Variants in NOL4L observed in about 807,000 individuals in gnomAD.
NOL4L encodes nucleolar protein 4-like.
In NOL4L, 7 loss-of-function variants were observed where a neutral mutation model predicts 64.5. The observed-to-expected ratio is 0.11, with a 90% CI of 0.06 to 0.20. The LOEUF (loss-of-function observed/expected upper bound fraction) is 0.20, where lower values mean the gene tolerates loss of function less well. Ranked by LOEUF, NOL4L falls within the 10% of genes least tolerant of loss-of-function variation. The pLI is 1.00. For synonymous variants in NOL4L, 413 were observed against 401.0 expected (o/e 1.03, Z -0.36); for missense variants, 680 against 967.1 (o/e 0.70, Z 3.94).
At chr20:32,498,133 AT>A in intron 4 of NOL4L, among the ~76,000 whole-genome samples, 1 of 152,336 alleles carries the variant, frequency 6.6e-6, no homozygotes, top group South Asian at 2.1e-4. Flanking sequence ...GGTTCGGGGT[AT>A]CTGCCAACCC....
rs1168127503 is a variant in NOL4L, at chr20:32,536,420, A to C, written c.322-8507T>G. On this transcript the variant is annotated intron_variant, in intron 1 of 10. Coordinates refer to ENST00000621426, the MANE Select transcript of NOL4L (RefSeq NM_001256798.2). Reference sequence around the variant, plus strand: ...GGGAGGGGAGTGGGCCGCGCTAATGACTGTTGACAGCGCGCGCTGGGGCCG... The same window carrying C: ...GGGAGGGGAGTGGGCCGCGCTAATGCCTGTTGACAGCGCGCGCTGGGGCCG... 2.2e-5 allele frequency: 13 copies of C among 585,864 alleles called. 1 individual carries two copies. In the South Asian group the frequency reaches 9.0e-4, roughly 41 times the overall value. 36.3% of individuals were successfully genotyped at this position (585,864 alleles called of 1,614,324 possible).
intron 4 of NOL4L, among the ~76,000 whole-genome samples, chr20:32,490,268 T>C (rs1000056030): frequency 1.3e-5 from 2 of 151,886 alleles, no homozygotes; most frequent in Non-Finnish European, 2.9e-5. Context: ...ACAAAAATAA[T>C]TGAAACAGTG....
At position 32,504,350 on chromosome 20, in the gene NOL4L, G is replaced by C. The variant is rs191040422; in HGVS notation, c.699+6997C>G. Among the ~76,000 whole-genome samples the C allele has an allele frequency of 2.0e-5, 3 of 152,170 alleles. No individual in the cohort carries two copies. In the East Asian group the frequency reaches 5.8e-4, roughly 30 times the overall value. ...CTGAGGTGGGTAGATCACGAGGTCA[G>C]TAGATCGAGACCATCCTGGCTAACA... On this transcript the variant is annotated intron_variant, in intron 4 of 10. Transcript: ENST00000621426.
Position 32,463,548 on chromosome 20 carries a change from C to A in NOL4L, c.842-7153G>T, listed in dbSNP as rs1186121588. On this transcript the variant is annotated intron_variant, in intron 5 of 10. Coordinates refer to ENST00000621426, the MANE Select transcript of NOL4L (RefSeq NM_001256798.2). This position sits in a 1 kb window ranked among gnomAD's most constrained non-coding sequence, Gnocchi z 5.8. The stretch of plus-strand genomic sequence containing the variant: ...TCTGGGCAGGACCCGGAGCCCACCA[C>A]CTGTGCCCAGAATGCCTACGGGCAG... Among the ~76,000 whole-genome samples, 1 of 152,222 alleles carries A rather than the reference C, an allele frequency of 6.6e-6. No individual in the cohort carries two copies. The highest frequency in any genetic ancestry group is 1.5e-5 in the Non-Finnish European group (1 of 68,042).
intron 1 of NOL4L, among the ~76,000 whole-genome samples, chr20:32,574,875 C>T (rs1040213296): frequency 2.6e-5 from 4 of 152,056 alleles, no homozygotes; most frequent in Non-Finnish European, 4.4e-5. Flanking sequence ...CCTGCCCCTG[C>T]GCCTTCACCC....
intron 4 of NOL4L, among the ~76,000 whole-genome samples, chr20:32,494,280 A>AAC (rs2016594022): frequency 1.4e-5 from 1 of 70,692 alleles, no homozygotes; most frequent in Non-Finnish European, 2.7e-5. Context: ...AAAAAAAAAA[A>AAC]AACACACAAC....
intron 4 of NOL4L, among the ~76,000 whole-genome samples, chr20:32,485,078 AAAAAAAAAAC>A (rs2016014938): frequency 1.4e-5 from 2 of 147,716 alleles, no homozygotes; most frequent in Non-Finnish European, 3.0e-5. Flanking sequence ...AAAAAAAAAA[AAAAAAAAAAC>A]AACTAAAAAA....
intron 1 of NOL4L, among the ~76,000 whole-genome samples, chr20:32,559,294 TCCTTCTATCCCCACACCCCTG>T (rs1363854516): frequency 6.6e-6 from 1 of 152,136 alleles, no homozygotes; most frequent in African/African-American, 2.4e-5. Flanking sequence ...CCTTTCCTTT[TCCTTCTATCCCCACACCCCTG>T]CCTCAGGTCT....
Position 32,584,976 on chromosome 20 carries a change from G to T in NOL4L, c.-86C>A. ...ACTGGGCTGGGCTGGGCTGGACCGG[G>T]CCGGGACGCGCCGCGGCCGCGTCTG... On this transcript the variant is annotated 5_prime_UTR_variant, in exon 1 of 11. Coordinates refer to ENST00000621426, the MANE Select transcript of NOL4L (RefSeq NM_001256798.2). 1.4e-6 allele frequency: 1 copy of T among 731,958 alleles called. No homozygotes were observed. Among genetic ancestry groups the T allele is most frequent in the Non-Finnish European group, 1.7e-6 (1 of 598,378 alleles). 45.3% of individuals were successfully genotyped at this position (731,958 alleles called of 1,614,324 possible). A position where few individuals can be genotyped will look rare whatever the true frequency, so the allele number is the denominator to read the frequency against.
Position 32,476,386 on chromosome 20 carries a change from C to T in NOL4L, c.700-1644G>A, listed in dbSNP as rs557070001. ...CTTGAGCAAGGCTGCAAGGTGCAGC[C>T]GGCTCCCCATCTTCCCAGCTGGTCG... On this transcript the variant is annotated intron_variant, in intron 4 of 10. Coordinates refer to ENST00000621426, the MANE Select transcript of NOL4L (RefSeq NM_001256798.2). 1.3e-4 allele frequency among the ~76,000 whole-genome samples: 20 copies of T among 152,300 alleles called. 1 individual carries two copies. The South Asian group carries it at 3.3e-3, about 25-fold the overall frequency.
intron 1 of NOL4L, among the ~76,000 whole-genome samples, chr20:32,583,653 C>A (rs957572511): frequency 2.0e-5 from 3 of 149,808 alleles, no homozygotes; most frequent in Admixed American, 6.6e-5. Context: ...GCCGCCCCCC[C>A]CCCAGCCCCC....
At chr20:32,490,239 T>C (rs949755860) in intron 4 of NOL4L, among the ~76,000 whole-genome samples, 1 of 151,870 alleles carries the variant, frequency 6.6e-6, no homozygotes, top group Non-Finnish European at 1.5e-5. Flanking sequence ...CCCCATAAAC[T>C]GTCCCTGCTC....
intron 1 of NOL4L, among the ~76,000 whole-genome samples, chr20:32,540,093 C>T (rs1002308506): frequency 1.1e-4 from 16 of 152,270 alleles, no homozygotes; most frequent in African/African-American, 3.6e-4. Context: ...TTCCATTTGC[C>T]GGTCTGTCTG....
chr20:32,488,825 CTTTT>C (rs55880789), intron 4 of NOL4L, among the ~76,000 whole-genome samples: 615 of 37,872 alleles, frequency 0.016, 32 homozygotes, highest in Middle Eastern at 0.081. Flanking sequence ...TTCTTTCTTT[CTTTT>C]TCTTTCTTTC....
At position 32,485,058 on chromosome 20, in the gene NOL4L, C is replaced by CAAAAAAAAA. The variant is rs57444583; in HGVS notation, c.700-10325_700-10317dup. Reference sequence around the variant, plus strand: ...TCGTGGAATTCTGTGGGGAAATTGCCAAAAAAAAAAAAAAAAAAAAAAAAA... The same window carrying CAAAAAAAAA: ...TCGTGGAATTCTGTGGGGAAATTGCCAAAAAAAAAAAAAAAAAAAAAAAAAAAAAAAAAA... On this transcript the variant is annotated intron_variant, in intron 4 of 10. Transcript: ENST00000621426. Among the ~76,000 whole-genome samples the CAAAAAAAAA allele has an allele frequency of 2.7e-3, 48 of 17,800 alleles. 3 individuals carry two copies. Among genetic ancestry groups the CAAAAAAAAA allele is most frequent in the East Asian group, 0.014 (5 of 370 alleles). The allele number at this position is 17,800 out of a possible 152,430, so 11.7% of individuals were successfully genotyped here. A position where few individuals can be genotyped will look rare whatever the true frequency, so the allele number is the denominator to read the frequency against.
chr20:32,489,577 A>T (rs945181190), intron 4 of NOL4L, among the ~76,000 whole-genome samples: 2 of 152,158 alleles, frequency 1.3e-5, no homozygotes, highest in African/African-American at 4.8e-5. Context: ...GTCATCTTAT[A>T]CTAATTTTCT....
At chr20:32,527,354 A>C (rs2145580859) in intron 2 of NOL4L, among the ~76,000 whole-genome samples, 1 of 152,274 alleles carries the variant, frequency 6.6e-6, no homozygotes, top group East Asian at 1.9e-4. Context: ...CCTGGCATGC[A>C]GTAAATGCCA....
At chr20:32,572,133 C>CT (rs1600887089) in intron 1 of NOL4L, among the ~76,000 whole-genome samples, 1 of 152,200 alleles carries the variant, frequency 6.6e-6, no homozygotes, top group Non-Finnish European at 1.5e-5. Context: ...ATTTAAGGAG[C>CT]TGAGGACACA....
chr20:32,584,865 C>G lies in NOL4L; in HGVS notation c.26G>C (p.Arg9Pro). 4 of 1,412,968 alleles carry G rather than the reference C, an allele frequency of 2.8e-6. No individual in the cohort carries two copies. Among genetic ancestry groups the G allele is most frequent in the Non-Finnish European group, 2.8e-6 (3 of 1,074,622 alleles). 87.5% of individuals were successfully genotyped at this position (1,412,968 alleles called of 1,614,324 possible). ...GCTGCGCTCGCGCTCCCAGCCCCCG[C>G]GCAGCAGCAGCGTCGGCTTCGGCAT... Reference protein sequence around the residue: MPKPTLLLRGGWERERSPG... With the variant: MPKPTLLLPGGWERERSPG... Residue 9 changes from arginine to proline, a missense_variant, in exon 1 of 11, where the codon CGC (arginine) becomes CCC (proline). Coordinates refer to ENST00000621426, the MANE Select transcript of NOL4L (RefSeq NM_001256798.2).
Sources: gnomAD v4.1 joint callset for allele counts (sites outside exome capture counted in the v4.1 genomes callset) on GRCh38, gnomAD v4.1.1 for gene constraint, Gnocchi (gnomAD v3.1) non-coding constraint, MANE v1.5 for transcripts, NCBI Gene and HGNC (gene_info 2026-07-23, HGNC 2026-07-21) for gene names.